The following SECISBP2L variants were observed in gnomAD, a reference collection of about 807,000 sequenced individuals.
The protein encoded by SECISBP2L is selenocysteine insertion sequence-binding protein 2-like.
SECISBP2L carries 43 observed loss-of-function variants against 114.7 expected under a neutral mutation model. The observed-to-expected ratio is 0.38, with a 90% CI of 0.29 to 0.48. SECISBP2L has a LOEUF of 0.48. Ranked by LOEUF, SECISBP2L falls within the 20% of genes least tolerant of loss-of-function variation. The pLI is 0.98. For missense variants in SECISBP2L, 1,136 were observed against 1,301.1 expected (o/e 0.87, Z 1.95); for synonymous variants, 451 against 439.7 (o/e 1.03, Z -0.32).
At chr15:49,033,675 A>C (rs1389042834) in intron 3 of SECISBP2L, among the ~76,000 whole-genome samples, 2 of 151,986 alleles carry the variant, frequency 1.3e-5, no homozygotes, top group African/African-American at 4.8e-5. Flanking sequence ...AATCGCTACA[A>C]AACAAACAAA....
intron 14 of SECISBP2L, among the ~76,000 whole-genome samples, chr15:49,008,575 G>A (rs570895040): frequency 1.3e-5 from 2 of 152,310 alleles, no homozygotes; most frequent in East Asian, 3.9e-4. Flanking sequence ...ATAGGGAAAA[G>A]GAACAGAATA....
At chr15:48,995,326 C>T (rs1902065396) in intron 17 of SECISBP2L, among the ~76,000 whole-genome samples, 2 of 152,140 alleles carry the variant, frequency 1.3e-5, no homozygotes, top group Admixed American at 1.3e-4. Flanking sequence ...ACATGTCTGC[C>T]TCTAAACCAG....
chr15:49,030,387 A>G (rs1484350619), intron 4 of SECISBP2L, among the ~76,000 whole-genome samples: 2 of 152,232 alleles, frequency 1.3e-5, no homozygotes, highest in Non-Finnish European at 2.9e-5. Context: ...ATTTGGATAC[A>G]TTCATAGGAA....
At chr15:49,019,740 A>G in intron 7 of SECISBP2L, 188 bp from the exon 8 acceptor site, 1 of 427,202 alleles carries the variant, frequency 2.3e-6, no homozygotes, top group Non-Finnish European at 3.9e-6. Flanking sequence ...TAGAAAAATG[A>G]GACAATTAAT....
chr15:49,006,018 GT>G (rs1902316278), intron 14 of SECISBP2L, among the ~76,000 whole-genome samples: 1 of 152,108 alleles, frequency 6.6e-6, no homozygotes, highest in Admixed American at 6.6e-5. Flanking sequence ...ATGAAGCTTA[GT>G]TTGGCTGAAT....
chr15:49,045,886 T>C (rs1235551862), intron 1 of SECISBP2L, among the ~76,000 whole-genome samples: 1 of 152,194 alleles, frequency 6.6e-6, no homozygotes, highest in African/African-American at 2.4e-5. Context: ...ACAGTCTTTC[T>C]GGGTGAGAAG....
intron 1 of SECISBP2L, among the ~76,000 whole-genome samples, chr15:49,043,959 A>G (rs1304780873): frequency 2.0e-5 from 3 of 152,076 alleles, no homozygotes; most frequent in African/African-American, 7.2e-5. Context: ...AGGCAAAAAA[A>G]AAGCGTTTTT....
At chr15:49,000,438 C>T (rs1902178163) in intron 15 of SECISBP2L, among the ~76,000 whole-genome samples, 1 of 152,110 alleles carries the variant, frequency 6.6e-6, no homozygotes, top group South Asian at 2.1e-4. Context: ...ACTACAGTCA[C>T]CTAAAGTTGC....
At chr15:49,001,945 C>G (rs1035098084) in intron 14 of SECISBP2L, 15 of 152,030 alleles carry the variant, frequency 9.9e-5, no homozygotes, top group Admixed American at 9.8e-4. Flanking sequence ...CTCTTTATAG[C>G]AGCATGCTTT....
intron 7 of SECISBP2L, among the ~76,000 whole-genome samples, chr15:49,022,263 G>A (rs987561498): frequency 3.9e-5 from 6 of 152,092 alleles, no homozygotes; most frequent in African/African-American, 7.2e-5. Flanking sequence ...GACTATGGGT[G>A]CATGCCACCA....
chr15:49,020,737 G>A (rs1384880030), intron 7 of SECISBP2L, among the ~76,000 whole-genome samples: 3 of 152,182 alleles, frequency 2.0e-5, no homozygotes, highest in East Asian at 3.9e-4. Flanking sequence ...TGCAACTCCT[G>A]GGCTCAAGGG....
Position 49,028,638 on chromosome 15 carries a change from C to T in SECISBP2L, c.709G>A (p.Ala237Thr). 6.2e-7 allele frequency: 1 copy of T among 1,614,124 alleles called. No homozygotes were observed. The highest frequency in any genetic ancestry group is 1.3e-5 in the African/African-American group (1 of 75,020). Residue 237 changes from alanine to threonine, a missense_variant, in exon 5 of 18, where the codon GCA becomes ACA. Ala to Thr is a moderately conservative substitution (Grantham distance 58). Coordinates refer to ENST00000559471, the MANE Select transcript of SECISBP2L (RefSeq NM_001193489.2). ...CCCTTGGACTTCCAGAGCATTGTTG[C>T]AGTGGTCTCTGAGAGAGACTTGTTA... Reference protein sequence around the residue: ...IANKSLSETTATMLWKSKGRR... With the variant: ...IANKSLSETTTTMLWKSKGRR...
At chr15:49,004,371 C>CA (rs2141064431) in intron 14 of SECISBP2L, among the ~76,000 whole-genome samples, 1 of 152,146 alleles carries the variant, frequency 6.6e-6, no homozygotes, top group South Asian at 2.1e-4. Context: ...TTAATCTTTT[C>CA]AAAAAACCAG....
At chr15:49,020,191 G>A (rs1161790375) in intron 7 of SECISBP2L, among the ~76,000 whole-genome samples, 1 of 152,072 alleles carries the variant, frequency 6.6e-6, no homozygotes, top group East Asian at 1.9e-4. Flanking sequence ...TTACCACAGG[G>A]GGGAAACTGC....
rs779009749 is a variant in SECISBP2L at position 49,012,706 on chromosome 15, G to A, written c.1673C>T (p.Ala558Val). The A allele has an allele frequency of 4.9e-5, 74 of 1,510,754 alleles. No individual in the cohort carries two copies. The highest frequency in any genetic ancestry group is 6.2e-5 in the Non-Finnish European group (69 of 1,110,006). 93.6% of individuals were successfully genotyped at this position (1,510,754 alleles called of 1,614,324 possible). A position where few individuals can be genotyped will look rare whatever the true frequency, so the allele number is the denominator to read the frequency against. The change falls in exon 12 of 18, where the codon GCA (alanine) becomes GTA (valine). Residue 558 changes from alanine to valine, a missense_variant. By Grantham distance (64) the Ala-to-Val change is moderately conservative. Around this residue, in one of 2 missense-constraint regions of SECISBP2L, gnomAD observed 684 missense variants for 848.7 expected, o/e 0.81. Transcript: ENST00000559471. ...FNSVDIASSKAKKGKEKEIAK... is the reference protein window; with the variant it reads ...FNSVDIASSKVKKGKEKEIAK... ...AATTTCCTTCTCTTTTCCTTTTTTT[G>A]CTTTAGAAGAAGCAATGTCCACAGA...
chr15:49,012,590 A>T (rs1902457571), intron 12 of SECISBP2L, 58 bp downstream of exon 12: 1 of 1,567,774 alleles, frequency 6.4e-7, no homozygotes, highest in Non-Finnish European at 8.7e-7. Context: ...CTTTTACAAA[A>T]CAGATTAAAA....
intron 1 of SECISBP2L, among the ~76,000 whole-genome samples, chr15:49,044,719 G>A (rs527473320): frequency 6.6e-5 from 10 of 152,268 alleles, no homozygotes; most frequent in Admixed American, 1.3e-4. Context: ...GTGGAAAGGG[G>A]AAAAGGCTCT....
At chr15:49,033,162 T>C (rs1221199323) in intron 3 of SECISBP2L, 62 bp from the exon 4 acceptor site, 3 of 1,519,090 alleles carry the variant, frequency 2.0e-6, no homozygotes, top group Non-Finnish European at 2.7e-6. Flanking sequence ...CTGAACATTA[T>C]AAAAAACACA....
At chr15:49,046,239 A>AC in intron 1 of SECISBP2L, 37 bp downstream of exon 1, 1 of 1,570,578 alleles carries the variant, frequency 6.4e-7, no homozygotes, top group Admixed American at 1.8e-5. Flanking sequence ...GGCGACCCCA[A>AC]CCCCCGGCTC....
Sources: gnomAD v4.1 joint callset for allele counts (sites outside exome capture counted in the v4.1 genomes callset) on GRCh38, gnomAD v4.1.1 for gene constraint, gnomAD v4.1.1 regional missense constraint, MANE v1.5 for transcripts, NCBI Gene and HGNC (gene_info 2026-07-23, HGNC 2026-07-21) for gene names.